The following CAMK1D variants were observed in gnomAD, a reference collection of about 807,000 sequenced individuals.
The protein encoded by CAMK1D is calcium/calmodulin-dependent protein kinase type 1D.
A neutral mutation model predicts 47.7 loss-of-function variants in CAMK1D; 9 were observed. The ratio of observed to expected loss-of-function variants is 0.19; its 90% confidence interval spans 0.11 to 0.33. The LOEUF is 0.33. Among genes scored for constraint, CAMK1D ranks in the 10% least tolerant of loss-of-function variants. CAMK1D has a pLI of 1.00. For synonymous variants in CAMK1D, 184 were observed against 184.9 expected (o/e 0.99, Z 0.04); for missense variants, 291 against 488.7 (o/e 0.60, Z 3.81).
At chr10:12,571,331 C>T (rs1837317336) in intron 2 of CAMK1D, among the ~76,000 whole-genome samples, 2 of 151,804 alleles carry the variant, frequency 1.3e-5, no homozygotes, top group South Asian at 4.2e-4. Context: ...TGCCTGTAAT[C>T]CCAGCTACTT....
chr10:12,404,799 G>T (rs927053057), intron 1 of CAMK1D, among the ~76,000 whole-genome samples: 3 of 151,206 alleles, frequency 2.0e-5, no homozygotes, highest in African/African-American at 7.3e-5. Flanking sequence ...GGTGATTCTC[G>T]TGCCTCAGTC....
chr10:12,691,872 C>T lies in CAMK1D; in HGVS notation c.299+25062C>T, dbSNP rs118083755. Among the ~76,000 whole-genome samples the T allele has an allele frequency of 2.8e-4, 43 of 152,202 alleles. No homozygotes were observed. The East Asian group carries it at 5.4e-3, about 19-fold the overall frequency. ...TACATGTAAATTTATGTGTAATTCG[C>T]GTTACATTTATGTGCATGTTATTAC... On this transcript the variant is annotated intron_variant, in intron 3 of 10. Transcript: ENST00000619168.
intron 6 of CAMK1D, among the ~76,000 whole-genome samples, chr10:12,807,757 T>A (rs550269784): frequency 6.6e-6 from 1 of 152,332 alleles, no homozygotes; most frequent in South Asian, 2.1e-4. Context: ...CTACACCAGA[T>A]CTGCCCGGTT....
intron 4 of CAMK1D, among the ~76,000 whole-genome samples, chr10:12,764,103 G>A (rs1481391778): frequency 2.0e-5 from 3 of 152,168 alleles, no homozygotes; most frequent in Admixed American, 2.0e-4. Flanking sequence ...TTGATTGGCT[G>A]GGCGCGGAGG....
At chr10:12,653,430 A>T (rs953442936) in intron 2 of CAMK1D, among the ~76,000 whole-genome samples, 2 of 152,220 alleles carry the variant, frequency 1.3e-5, no homozygotes, top group African/African-American at 4.8e-5. Flanking sequence ...CACACATACA[A>T]TGAACCACAA....
intron 6 of CAMK1D, among the ~76,000 whole-genome samples, chr10:12,791,972 C>G (rs903129469): frequency 3.3e-5 from 5 of 152,194 alleles, no homozygotes; most frequent in Admixed American, 1.3e-4. Context: ...CACATCTAAA[C>G]CAACAGTTGC....
At chr10:12,757,667 T>G (rs1201241287) in intron 3 of CAMK1D, among the ~76,000 whole-genome samples, 1 of 152,210 alleles carries the variant, frequency 6.6e-6, no homozygotes, top group Middle Eastern at 3.4e-3. Context: ...CAACAGAAAT[T>G]GATTTTCTCA....
intron 10 of CAMK1D, 190 bp downstream of exon 10, chr10:12,825,880 T>A: frequency 2.3e-6 from 2 of 864,690 alleles, no homozygotes; most frequent in Non-Finnish European, 3.4e-6. Flanking sequence ...CTCACGCCTG[T>A]AATCCCAACA....
At position 12,401,131 on chromosome 10, in the gene CAMK1D, T is replaced by C. The variant is rs771525199; in HGVS notation, c.92+51221T>C. Among the ~76,000 whole-genome samples, 26 of 63,040 alleles carry C rather than the reference T, an allele frequency of 4.1e-4. 2 individuals carry two copies. The East Asian group carries it at 7.2e-3, about 18-fold the overall frequency. 41.4% of individuals were successfully genotyped at this position (63,040 alleles called of 152,430 possible). On this transcript the variant is annotated intron_variant, in intron 1 of 10. Coordinates refer to ENST00000619168, the MANE Select transcript of CAMK1D (RefSeq NM_153498.4). Reference sequence around the variant, plus strand: ...TTTTATATATATAATATATGTATTATATATATTATATATATATTTTATATA... The same window carrying C: ...TTTTATATATATAATATATGTATTACATATATTATATATATATTTTATATA...
At chr10:12,766,198 C>G (rs1836748824) in intron 4 of CAMK1D, among the ~76,000 whole-genome samples, 1 of 152,026 alleles carries the variant, frequency 6.6e-6, no homozygotes, top group Admixed American at 6.5e-5. Flanking sequence ...CTCCTGACCT[C>G]AGGTGATCCG....
chr10:12,593,683 T>G (rs1389310746), intron 2 of CAMK1D, among the ~76,000 whole-genome samples: 1 of 146,300 alleles, frequency 6.8e-6, no homozygotes, highest in African/African-American at 2.8e-5. Flanking sequence ...GCTATTGGAA[T>G]TTTTTTTTAA....
intron 1 of CAMK1D, among the ~76,000 whole-genome samples, chr10:12,534,257 T>G (rs181208862): frequency 1.3e-3 from 198 of 152,346 alleles, no homozygotes; most frequent in African/African-American, 4.6e-3. Context: ...TCACCCAGGT[T>G]GGAGTGCAGT....
At chr10:12,693,809 G>A in intron 3 of CAMK1D, among the ~76,000 whole-genome samples, 1 of 145,096 alleles carries the variant, frequency 6.9e-6, no homozygotes, top group Admixed American at 7.4e-5. Flanking sequence ...CTTGAGCTCA[G>A]GAATTGGAGG....
At chr10:12,437,136 A>ACTAC (rs1554769777) in intron 1 of CAMK1D, among the ~76,000 whole-genome samples, 1 of 150,802 alleles carries the variant, frequency 6.6e-6, no homozygotes, top group Admixed American at 6.6e-5. Flanking sequence ...AAACAGACCG[A>ACTAC]CTATCTATCT....
intron 4 of CAMK1D, 39 bp downstream of exon 4, chr10:12,761,125 C>A (rs1274500168): frequency 6.2e-7 from 1 of 1,604,058 alleles, no homozygotes; most frequent in Non-Finnish European, 8.5e-7. Context: ...AGCCACTCTG[C>A]AGCCCGCAAT....
chr10:12,479,798 C>T (rs1344283217), intron 1 of CAMK1D, among the ~76,000 whole-genome samples: 10 of 152,118 alleles, frequency 6.6e-5, no homozygotes, highest in South Asian at 4.1e-4. Flanking sequence ...GGCAAAGGGA[C>T]GGGGCAGGAG....
At chr10:12,404,190 T>G (rs1418937064) in intron 1 of CAMK1D, among the ~76,000 whole-genome samples, 3 of 152,036 alleles carry the variant, frequency 2.0e-5, no homozygotes, top group African/African-American at 4.8e-5. Flanking sequence ...GGATTACAGG[T>G]GTCCGCCACC....
chr10:12,397,873 A>T (rs1839019442), intron 1 of CAMK1D, among the ~76,000 whole-genome samples: 1 of 152,194 alleles, frequency 6.6e-6, no homozygotes, highest in Non-Finnish European at 1.5e-5. Flanking sequence ...CTCTTGAAAA[A>T]TGTAAAGACC....
In CAMK1D at chr10:12,419,727, C is replaced by G. The variant is rs529086399; in HGVS notation, c.92+69817C>G. On this transcript the variant is annotated intron_variant, in intron 1 of 10. Coordinates refer to ENST00000619168, the MANE Select transcript of CAMK1D (RefSeq NM_153498.4). ...GCAGAAAATACTGAGATTAGAAAAA[C>G]TGTTTTTTCAGCTTCTTAGGACTTT... is the stretch of plus-strand genomic sequence containing the variant. 1.5e-3 allele frequency among the ~76,000 whole-genome samples: 228 copies of G among 151,734 alleles called. 1 individual carries two copies. The highest frequency in any genetic ancestry group is 5.3e-3 in the African/African-American group (220 of 41,342).
Sources: allele counts gnomAD v4.1 joint callset (sites outside exome capture counted in the v4.1 genomes callset), GRCh38; gene constraint gnomAD v4.1.1; transcripts MANE v1.5; gene names NCBI Gene and HGNC (gene_info 2026-07-23, HGNC 2026-07-21).